Variants in NPIPB8 observed in about 807,000 individuals in gnomAD.
NPIPB8 encodes nuclear pore complex-interacting protein family member B8.
Under a neutral mutation model 5.3 loss-of-function variants are expected in NPIPB8, and 3 were observed. The observed-to-expected ratio is 0.57, with a 90% CI of 0.26 to 1.47. The LOEUF is 1.47. NPIPB8 is among the 40% of genes most tolerant of loss of function. The pLI is 0.13. For synonymous variants in NPIPB8, 18 were observed against 23.0 expected, an observed-to-expected ratio of 0.78 and a Z score of 0.62; for missense variants, 50 against 50.2, an observed-to-expected ratio of 1.00 and a Z score of 0.01.
At chr16:28,647,468 AAC>A (rs1278933684) in intron 2 of NPIPB8, among the ~76,000 whole-genome samples, 1 of 35,738 alleles carries the variant, frequency 2.8e-5, no homozygotes, top group African/African-American at 2.8e-4. Context: ...CAAAAACAAA[AAC>A]AAAAAAAAAT....
intron 2 of NPIPB8, among the ~76,000 whole-genome samples, chr16:28,639,538 C>A (rs1161597221): frequency 2.3e-5 from 3 of 133,272 alleles, no homozygotes; most frequent in African/African-American, 8.5e-5. Flanking sequence ...CTCACTGCAA[C>A]CTCCGTCTCC....
intron 1 of NPIPB8, 65 bp from the exon 2 acceptor site, chr16:28,638,258 T>C: frequency 6.5e-7 from 1 of 1,532,734 alleles, no homozygotes; most frequent in Non-Finnish European, 8.7e-7. Flanking sequence ...TTGACCACTA[T>C]AGACTCAAAC....
chr16:28,642,216 C>T (rs1437916345), intron 2 of NPIPB8, among the ~76,000 whole-genome samples: 24 of 151,602 alleles, frequency 1.6e-4, no homozygotes, highest in Admixed American at 4.6e-4. Context: ...AGGGATTGTC[C>T]TGCCTCAGCC....
At chr16:28,640,227 G>A (rs891680805) in intron 2 of NPIPB8, among the ~76,000 whole-genome samples, 1 of 151,970 alleles carries the variant, frequency 6.6e-6, no homozygotes, top group African/African-American at 2.4e-5. Flanking sequence ...GCTAGGATGG[G>A]CTAGGTATCA....
chr16:28,651,622 G>C (rs1377861073), intron 3 of NPIPB8, among the ~76,000 whole-genome samples: 1 of 78,108 alleles, frequency 1.3e-5, no homozygotes. Context: ...GTGTGTGTGT[G>C]TGTGTGTGTG....
Position 28,644,180 on chromosome 16 carries a change from G to C in NPIPB8, c.121-3955G>C, listed in dbSNP as rs867853370. ...GGAGGGCCCAGACCGAAGAAGGTTT[G>C]GCAGATAGCAGAACCTTTTTGTCTC... On this transcript the variant is annotated intron_variant, in intron 2 of 7. Coordinates refer to ENST00000683297, the MANE Select transcript of NPIPB8 (RefSeq NM_001310136.2). Among the ~76,000 whole-genome samples, 30 of 65,276 alleles carry C rather than the reference G, an allele frequency of 4.6e-4. 10 individuals carry two copies. The highest frequency in any genetic ancestry group is 3.2e-3 in the African/African-American group (30 of 9,442). The allele number at this position is 65,276 out of a possible 152,430, so 42.8% of individuals were successfully genotyped here.
Position 28,645,283 on chromosome 16 carries a change from C to T in NPIPB8, c.121-2852C>T, listed in dbSNP as rs2047983165. Among the ~76,000 whole-genome samples, 3 of 99,180 alleles carry T rather than the reference C, an allele frequency of 3.0e-5. 1 individual carries two copies. The highest frequency in any genetic ancestry group is 1.1e-4 in the African/African-American group (3 of 26,802). The allele number at this position is 99,180 out of a possible 152,430, so 65.1% of individuals were successfully genotyped here. On this transcript the variant is annotated intron_variant, in intron 2 of 7. Transcript: ENST00000683297. ...TGACCTCGTGATCCGCCTGCCTCGG[C>T]CTCCCAGTGCTGGGATTACAGGCGT...
Position 28,638,145 on chromosome 16 carries a change from A to G in NPIPB8, c.-44A>G, listed in dbSNP as rs565105790. On this transcript the variant is annotated 5_prime_UTR_variant, in exon 1 of 8. Transcript: ENST00000683297. ...TTGTTCCTGTTTCACACAGAAGAAA[A>G]CTGAGGTTAAAAGGGGTAAAGTAAT... The G allele has an allele frequency of 2.2e-5, 14 of 644,248 alleles. No individual in the cohort carries two copies. The South Asian group carries it at 2.4e-4, about 11-fold the overall frequency. 39.9% of individuals were successfully genotyped at this position (644,248 alleles called of 1,614,324 possible).
chr16:28,638,577 T>C, intron 2 of NPIPB8, 97 bp downstream of exon 2: 1 of 1,425,450 alleles, frequency 7.0e-7, no homozygotes, highest in Non-Finnish European at 9.4e-7. Flanking sequence ...GGGGGAAGCT[T>C]ACGCAGTCAC....
chr16:28,644,746 G>T, intron 2 of NPIPB8: 1 of 718,988 alleles, frequency 1.4e-6, no homozygotes, highest in Non-Finnish European at 2.0e-6. Context: ...TGTAATCCCA[G>T]CACTTTAGGG....
intron 2 of NPIPB8, among the ~76,000 whole-genome samples, chr16:28,639,962 CTG>C (rs1044616973): frequency 5.3e-5 from 8 of 151,088 alleles, no homozygotes; most frequent in Admixed American, 3.9e-4. Context: ...TGTGTACTCA[CTG>C]TGTGTGCCAG....
At chr16:28,652,664 G>A (rs1169646306) in intron 5 of NPIPB8, among the ~76,000 whole-genome samples, 3 of 119,936 alleles carry the variant, frequency 2.5e-5, no homozygotes, top group Admixed American at 8.6e-5. Flanking sequence ...AGGCTGTAGT[G>A]CAATGGCACA....
In NPIPB8 at chr16:28,638,297, A is replaced by C. The variant is rs1218410404; in HGVS notation, c.-38-26A>C. The C allele has an allele frequency of 5.2e-6, 8 of 1,545,240 alleles. No individual in the cohort carries two copies. In the East Asian group the frequency reaches 1.9e-4, roughly 37 times the overall value. On this transcript the variant is annotated intron_variant, in intron 1 of 7. Transcript: ENST00000683297. Reference sequence around the variant, plus strand: ...ACCTTGTTTTTCCACTCATTCAACAAACTTTTTTTCTTAATTGTCTAATAG... The same window carrying C: ...ACCTTGTTTTTCCACTCATTCAACACACTTTTTTTCTTAATTGTCTAATAG...
At position 28,638,389 on chromosome 16, in the gene NPIPB8, C is replaced by G; in HGVS notation, c.29C>G (p.Pro10Arg). 1.3e-6 allele frequency: 2 copies of G among 1,569,350 alleles called. No homozygotes were observed. Among genetic ancestry groups the G allele is most frequent in the Non-Finnish European group, 1.7e-6 (2 of 1,164,948 alleles). The change falls in exon 2 of 8, where the codon CCA becomes CGA. Residue 10 changes from proline to arginine, a missense_variant. By Grantham distance (103) the Pro-to-Arg change is moderately radical. Coordinates refer to ENST00000683297, the MANE Select transcript of NPIPB8 (RefSeq NM_001310136.2). ...GTGAAGCTCTCTATTGTCCTGACCC[C>G]ACAGTTCCTGTCCCATGACCAGGGC... MVKLSIVLT[P>R]QFLSHDQGQL...
At position 28,638,556 on chromosome 16, in the gene NPIPB8, C is replaced by T. The variant is rs1384166982; in HGVS notation, c.120+76C>T. The T allele has an allele frequency of 3.9e-5, 56 of 1,452,960 alleles. 2 individuals carry two copies. The highest frequency in any genetic ancestry group is 1.5e-4 in the East Asian group (6 of 40,812). The allele number at this position is 1,452,960 out of a possible 1,614,324, so 90.0% of individuals were successfully genotyped here. On this transcript the variant is annotated intron_variant, in intron 2 of 7. Transcript: ENST00000683297. ...GTCTCAGCTGCCACACATCTCATAGCGGGTGATGCTGGGGGAAGCTTACGC... is the reference window on the plus strand; with the variant it reads ...GTCTCAGCTGCCACACATCTCATAGTGGGTGATGCTGGGGGAAGCTTACGC...
At chr16:28,653,167 G>A (rs1355337571) in intron 5 of NPIPB8, among the ~76,000 whole-genome samples, 1 of 110,934 alleles carries the variant, frequency 9.0e-6, no homozygotes, top group Admixed American at 9.3e-5. Context: ...CCGCCTCCCA[G>A]GTTCAAGTGA....
chr16:28,644,339 C>G (rs976106180), intron 2 of NPIPB8, among the ~76,000 whole-genome samples: 1 of 119,152 alleles, frequency 8.4e-6, no homozygotes, highest in East Asian at 2.5e-4. Context: ...TTTCCCAGAC[C>G]CCTTTCTTCT....
chr16:28,639,716 G>T (rs1182667177), intron 2 of NPIPB8, among the ~76,000 whole-genome samples: 1 of 148,602 alleles, frequency 6.7e-6, no homozygotes, highest in African/African-American at 2.5e-5. Context: ...GCCTCCCAAA[G>T]TGCTGGGACT....
At chr16:28,646,575 ATTT>A (rs1203583733) in intron 2 of NPIPB8, among the ~76,000 whole-genome samples, 3 of 11,486 alleles carry the variant, frequency 2.6e-4, no homozygotes, top group South Asian at 6.4e-3. Flanking sequence ...TCTTCATTGT[ATTT>A]TTTTTTTTTT....
Sources: allele counts gnomAD v4.1 joint callset (sites outside exome capture counted in the v4.1 genomes callset), GRCh38; gene constraint gnomAD v4.1.1; transcripts MANE v1.5; gene names NCBI Gene and HGNC (gene_info 2026-07-23, HGNC 2026-07-21).